DCAF6: variants seen among roughly 807,000 people sequenced by gnomAD.
DCAF6 encodes the protein DDB1 and CUL4 associated factor 6.
Under a neutral mutation model 125.1 loss-of-function variants are expected in DCAF6, and 54 were observed. That is an observed-to-expected ratio of 0.43 (90% CI 0.35 to 0.54). The LOEUF (loss-of-function observed/expected upper bound fraction) is 0.54, where lower values mean the gene tolerates loss of function less well. Ranked by LOEUF, DCAF6 falls within the 20% of genes least tolerant of loss-of-function variation. The pLI is 0.01. For synonymous variants in DCAF6, 371 were observed against 390.4 expected (o/e 0.95, Z 0.58); for missense variants, 934 against 1,161.7 (o/e 0.80, Z 2.85).
chr1:168,031,014 A>G lies in DCAF6; in HGVS notation c.1610-7357A>G, dbSNP rs1164989111. On this transcript the variant is annotated intron_variant, in intron 12 of 21. Coordinates refer to ENST00000367840, the MANE Select transcript of DCAF6 (RefSeq NM_001198956.2). ...CATGAACTCGGTTTTGAATATATTG[A>G]GTTTGAGTTATCTGTATGAGATACC... 2.0e-5 allele frequency among the ~76,000 whole-genome samples: 3 copies of G among 152,150 alleles called. No individual in the cohort carries two copies. The East Asian group carries it at 5.8e-4, about 29-fold the overall frequency.
At chr1:167,973,092 A>G (rs1428310294) in intron 3 of DCAF6, among the ~76,000 whole-genome samples, 3 of 152,226 alleles carry the variant, frequency 2.0e-5, no homozygotes, top group African/African-American at 7.2e-5. Context: ...GCTACTTGGT[A>G]AACCACCCTA....
At chr1:168,067,218 G>A (rs1408450252) in intron 20 of DCAF6, among the ~76,000 whole-genome samples, 1 of 152,176 alleles carries the variant, frequency 6.6e-6, no homozygotes, top group African/African-American at 2.4e-5. Context: ...CAATTCCCAT[G>A]TATACTTTCA....
chr1:167,992,579 ACATTTTGAGCATGATAAGACTT>A (rs1375323718), intron 6 of DCAF6, among the ~76,000 whole-genome samples: 1 of 152,216 alleles, frequency 6.6e-6, no homozygotes, highest in Non-Finnish European at 1.5e-5. Context: ...GACACAATTG[ACATTTTGAGCATGATAAGACTT>A]CATTTTGCAA....
intron 7 of DCAF6, among the ~76,000 whole-genome samples, chr1:167,993,652 G>A (rs1275065979): frequency 6.6e-6 from 1 of 152,172 alleles, no homozygotes; most frequent in African/African-American, 2.4e-5. Context: ...AGGAGACTGA[G>A]GCAGCAGAAT....
At chr1:168,008,453 A>T (rs1683674036) in intron 10 of DCAF6, among the ~76,000 whole-genome samples, 1 of 151,988 alleles carries the variant, frequency 6.6e-6, no homozygotes, top group Admixed American at 6.5e-5. Flanking sequence ...TTGTTCCTGT[A>T]TCTAAACTAT....
intron 1 of DCAF6, among the ~76,000 whole-genome samples, chr1:167,945,455 TTGTGTGTGTG>T (rs779197718): frequency 1.3e-5 from 2 of 151,960 alleles, no homozygotes; most frequent in Admixed American, 6.6e-5. Flanking sequence ...TATTCCTAGT[TTGTGTGTGTG>T]TGTATGTGTG....
At chr1:167,970,414 G>A (rs1677129608) in intron 3 of DCAF6, among the ~76,000 whole-genome samples, 1 of 152,182 alleles carries the variant, frequency 6.6e-6, no homozygotes, top group Non-Finnish European at 1.5e-5. Context: ...ACTTTGGGAG[G>A]CCCGAGGTGG....
chr1:168,004,655 T>C lies in DCAF6; in HGVS notation c.1240T>C (p.Ser414Pro). The C allele has an allele frequency of 6.2e-7, 1 of 1,613,934 alleles. No homozygotes were observed. The change falls in exon 10 of 22, where the codon TCC (serine) becomes CCC (proline). Residue 414 changes from serine to proline, a missense_variant. Physicochemically the swap from Ser to Pro is moderately conservative, Grantham distance 74. Transcript: ENST00000367840. ...PAEQFLQPST[S>P]STMSAQAHST... is the part of the protein sequence containing the mutation. ...TGAACAATTTCTTCAGCCTTCTACA[T>C]CCTCTACAATGTCAGCTCAGGCTCA...
chr1:168,069,078 G>T (rs1196385393), intron 21 of DCAF6, among the ~76,000 whole-genome samples: 1 of 151,892 alleles, frequency 6.6e-6, no homozygotes, highest in African/African-American at 2.4e-5. Context: ...ATAATAATAG[G>T]TACCATTTAT....
At chr1:168,023,332 A>T in intron 12 of DCAF6, 1 of 482,968 alleles carries the variant, frequency 2.1e-6, no homozygotes. Context: ...CCATTTTTTA[A>T]ATTCTAGGTA....
chr1:167,923,882 C>T, the DCAF6 span, among the ~76,000 whole-genome samples: 9 of 152,132 alleles, frequency 5.9e-5, no homozygotes, highest in Non-Finnish European at 1.3e-4. Context: ...AGAGATGACA[C>T]TTTGAGAAGC....
chr1:167,882,476 T>C, the DCAF6 span, among the ~76,000 whole-genome samples: 1 of 128,688 alleles, frequency 7.8e-6, no homozygotes, highest in Non-Finnish European at 1.6e-5. Flanking sequence ...TAGAGCAAGA[T>C]TCCGTCTCAA....
At chr1:167,944,685 T>C (rs1406808137) in intron 1 of DCAF6, among the ~76,000 whole-genome samples, 1 of 152,228 alleles carries the variant, frequency 6.6e-6, no homozygotes, top group Non-Finnish European at 1.5e-5. Context: ...TTTGAGTTCC[T>C]TGTGTAGTCT....
chr1:167,989,078 T>A (rs1680441501), intron 5 of DCAF6, among the ~76,000 whole-genome samples: 1 of 150,504 alleles, frequency 6.6e-6, no homozygotes, highest in Admixed American at 6.6e-5. Flanking sequence ...AGACTCCATC[T>A]CAAACAAAAC....
At chr1:167,978,524 A>C (rs559179778) in intron 4 of DCAF6, among the ~76,000 whole-genome samples, 75 of 152,278 alleles carry the variant, frequency 4.9e-4, no homozygotes, top group African/African-American at 1.4e-3. Context: ...TGTGTAGTCA[A>C]ATCTCTTGCC....
chr1:167,875,295 A>G, the DCAF6 span: 3 of 1,114,880 alleles, frequency 2.7e-6, no homozygotes, highest in Non-Finnish European at 4.1e-6. Context: ...ATTGCTAACA[A>G]GAGTCTATCC....
chr1:168,009,663 G>C (rs1168505612), intron 10 of DCAF6, among the ~76,000 whole-genome samples: 1 of 151,122 alleles, frequency 6.6e-6, no homozygotes. Flanking sequence ...GGAAGCCCTT[G>C]TCCTGGCTTA....
intron 2 of DCAF6, among the ~76,000 whole-genome samples, chr1:167,962,578 A>G (rs1283431768): frequency 6.6e-6 from 1 of 152,222 alleles, no homozygotes; most frequent in Non-Finnish European, 1.5e-5. Context: ...CTTTTAATCC[A>G]TATGGATCTT....
chr1:167,882,146 C>G, the DCAF6 span, among the ~76,000 whole-genome samples: 1 of 152,180 alleles, frequency 6.6e-6, no homozygotes, highest in African/African-American at 2.4e-5. Flanking sequence ...ACATATGCAT[C>G]TGTGGTCATT....
Sources: allele counts gnomAD v4.1 joint callset (sites outside exome capture counted in the v4.1 genomes callset), GRCh38; gene constraint gnomAD v4.1.1; transcripts MANE v1.5; gene names NCBI Gene and HGNC (gene_info 2026-07-23, HGNC 2026-07-21).